The following ROBO2 variants were observed in gnomAD, a reference collection of about 807,000 sequenced individuals.
ROBO2 encodes the protein roundabout guidance receptor 2, also known as roundabout homolog 2.
A neutral mutation model predicts 160.8 loss-of-function variants in ROBO2; 53 were observed. That is an observed-to-expected ratio of 0.33 (90% confidence interval 0.26 to 0.41). The LOEUF (loss-of-function observed/expected upper bound fraction) is 0.41. Among genes scored for constraint, ROBO2 ranks in the 10% least tolerant of loss-of-function variants. The pLI is 1.00. For missense variants in ROBO2, 1,577 were observed against 1,722.4 expected, an observed-to-expected ratio of 0.92 and a Z score of 1.49; for synonymous variants, 664 against 611.7, an observed-to-expected ratio of 1.09 and a Z score of -1.26.
At chr3:77,102,078 C>T (rs76246519) in intron 2 of ROBO2, among the ~76,000 whole-genome samples, 2,401 of 152,082 alleles carry the variant, frequency 0.016, 67 homozygotes, top group African/African-American at 0.054. Context: ...ATGGTTGACA[C>T]GATGCAAATC....
At chr3:77,582,690 TG>T (rs2153678602) in intron 16 of ROBO2, among the ~76,000 whole-genome samples, 1 of 152,262 alleles carries the variant, frequency 6.6e-6, no homozygotes, top group African/African-American at 2.4e-5. Flanking sequence ...ATCTTTTTTT[TG>T]TTGTTGTTAT....
At chr3:76,578,644 C>G (rs998877548) in intron 2 of ROBO2, among the ~76,000 whole-genome samples, 1 of 152,104 alleles carries the variant, frequency 6.6e-6, no homozygotes, top group South Asian at 2.1e-4. Flanking sequence ...ATCTCCCTCG[C>G]CTCCCTTGAT....
intron 2 of ROBO2, among the ~76,000 whole-genome samples, chr3:76,105,363 A>C (rs1450680722): frequency 1.3e-5 from 2 of 152,330 alleles, no homozygotes; most frequent in East Asian, 3.9e-4. Flanking sequence ...ATTCTTGTAT[A>C]CCTAATATCC....
At chr3:76,463,405 T>C (rs1309363878) in intron 2 of ROBO2, among the ~76,000 whole-genome samples, 1 of 152,082 alleles carries the variant, frequency 6.6e-6, no homozygotes, top group African/African-American at 2.4e-5. Flanking sequence ...AACTATAATT[T>C]TCATGCTGCA....
chr3:76,442,986 G>A (rs549944769), intron 2 of ROBO2, among the ~76,000 whole-genome samples: 1 of 152,090 alleles, frequency 6.6e-6, no homozygotes, highest in African/African-American at 2.4e-5. Context: ...AAGAAAAAAG[G>A]TTTATTTGGT....
intron 2 of ROBO2, among the ~76,000 whole-genome samples, chr3:76,638,207 G>A (rs902408316): frequency 6.6e-6 from 1 of 152,146 alleles, no homozygotes; most frequent in Admixed American, 6.5e-5. Context: ...GCATTTGAAT[G>A]CTTTTGTGAC....
At chr3:77,385,664 T>A in intron 2 of ROBO2, among the ~76,000 whole-genome samples, 1 of 152,172 alleles carries the variant, frequency 6.6e-6, no homozygotes, top group East Asian at 1.9e-4. Context: ...TTATACAAGT[T>A]TTTCATTCTG....
chr3:77,070,720 A>G (rs895423018), intron 1 of ROBO2, among the ~76,000 whole-genome samples: 1 of 152,090 alleles, frequency 6.6e-6, no homozygotes, highest in Non-Finnish European at 1.5e-5. Context: ...AGCAGTCTGG[A>G]TTTTGTTCTA....
intron 2 of ROBO2, among the ~76,000 whole-genome samples, chr3:76,473,287 C>T (rs9839596): frequency 0.035 from 5,274 of 152,180 alleles, 275 homozygotes; most frequent in African/African-American, 0.12. Context: ...TTTTGAGTAC[C>T]TGAGTGCTCC....
chr3:77,128,935 C>T (rs1399615689), intron 2 of ROBO2, among the ~76,000 whole-genome samples: 1 of 151,978 alleles, frequency 6.6e-6, no homozygotes, highest in African/African-American at 2.4e-5. Flanking sequence ...GGATATTTTC[C>T]TTTGCTAATA....
intron 2 of ROBO2, among the ~76,000 whole-genome samples, chr3:77,437,884 A>G (rs1219870548): frequency 6.6e-6 from 1 of 152,068 alleles, no homozygotes; most frequent in African/African-American, 2.4e-5. Context: ...GCAAGAACTT[A>G]TATCAGTCGG....
chr3:77,155,200 A>C (rs1173870284), intron 2 of ROBO2, among the ~76,000 whole-genome samples: 1 of 152,024 alleles, frequency 6.6e-6, no homozygotes, highest in Non-Finnish European at 1.5e-5. Context: ...TCTGAGTCCT[A>C]ATCCCTGAAT....
chr3:76,317,499 A>G (rs149619253), intron 2 of ROBO2, among the ~76,000 whole-genome samples: 21 of 152,292 alleles, frequency 1.4e-4, no homozygotes, highest in Non-Finnish European at 2.6e-4. Flanking sequence ...GTAATTTATA[A>G]TGTGAGATTG....
intron 2 of ROBO2, among the ~76,000 whole-genome samples, chr3:75,944,632 T>C (rs1449272522): frequency 1.3e-5 from 2 of 152,166 alleles, no homozygotes; most frequent in Non-Finnish European, 1.5e-5. Context: ...CATCATATCT[T>C]GTCTGAAAGT....
intron 2 of ROBO2, among the ~76,000 whole-genome samples, chr3:76,967,875 T>C (rs2149268215): frequency 1.3e-5 from 2 of 152,232 alleles, no homozygotes; most frequent in South Asian, 2.1e-4. Context: ...CTTTCTTCCC[T>C]CTTGCTAAGA....
intron 2 of ROBO2, among the ~76,000 whole-genome samples, chr3:76,949,031 G>T (rs1432564029): frequency 1.3e-5 from 2 of 149,206 alleles, no homozygotes; most frequent in Non-Finnish European, 1.5e-5. Flanking sequence ...GATTACAGGC[G>T]TGAGCCACCA....
intron 2 of ROBO2, among the ~76,000 whole-genome samples, chr3:76,238,587 TG>T (rs1705098359): frequency 6.6e-6 from 1 of 150,614 alleles, no homozygotes; most frequent in Non-Finnish European, 1.5e-5. Flanking sequence ...GAGAAGAACA[TG>T]GGGAAAACCA....
chr3:77,033,153 A>T (rs1410282027), intron 2 of ROBO2, among the ~76,000 whole-genome samples: 1 of 152,196 alleles, frequency 6.6e-6, no homozygotes, highest in African/African-American at 2.4e-5. Context: ...CAAGTACCAA[A>T]ATGAGAATGC....
chr3:76,033,741 T>C (rs1312109114), intron 2 of ROBO2, among the ~76,000 whole-genome samples: 1 of 152,292 alleles, frequency 6.6e-6, no homozygotes, highest in East Asian at 1.9e-4. Flanking sequence ...ACAGCTCACC[T>C]GGAGCTAGTG....
Sources: allele counts gnomAD v4.1 joint callset (sites outside exome capture counted in the v4.1 genomes callset), GRCh38; gene constraint gnomAD v4.1.1; transcripts MANE v1.5; gene names NCBI Gene and HGNC (gene_info 2026-07-23, HGNC 2026-07-21).